Variants in NOTUM observed in about 807,000 individuals in gnomAD.
NOTUM encodes palmitoleoyl-protein carboxylesterase NOTUM.
A neutral mutation model predicts 65.5 loss-of-function variants in NOTUM; 36 were observed. That is an observed-to-expected ratio of 0.55 (90% CI 0.42 to 0.73). The LOEUF (loss-of-function observed/expected upper bound fraction) is 0.73, where lower values mean the gene tolerates loss of function less well. Ranked by LOEUF, NOTUM falls within the 30% of genes least tolerant of loss-of-function variation. The probability of loss-of-function intolerance (pLI) is 0.00; values close to 1 mark genes in which losing one functional copy is unlikely to be tolerated. For synonymous variants in NOTUM, 356 were observed against 297.9 expected (o/e 1.20, Z -2.01); for missense variants, 659 against 694.2 (o/e 0.95, Z 0.57).
chr17:81,960,181 CCGCCG>C lies in NOTUM; in HGVS notation c.323+401_323+405del, dbSNP rs1014346089. Among the ~76,000 whole-genome samples, 1 of 152,176 alleles carries C rather than the reference CCGCCG, an allele frequency of 6.6e-6. No individual in the cohort carries two copies. The highest frequency in any genetic ancestry group is 1.5e-5 in the Non-Finnish European group (1 of 68,018). ...CGGCCTGTTGAGCGCGTGGGCGGCC[CCGCCG>C]CTCCCCGACCCCCGACCTCACGTCT... is the stretch of plus-strand genomic sequence containing the variant. On this transcript the variant is annotated intron_variant, in intron 1 of 10. Coordinates refer to ENST00000409678, the MANE Select transcript of NOTUM (RefSeq NM_178493.6). This position sits in a 1 kb window ranked among gnomAD's most constrained non-coding sequence, Gnocchi z 6.4.
chr17:81,960,740 G>A lies in NOTUM; in HGVS notation c.170C>T (p.Thr57Met), dbSNP rs764669509. 5.6e-6 allele frequency: 9 copies of A among 1,598,428 alleles called. No individual in the cohort carries two copies. The East Asian group carries it at 9.0e-5, about 16-fold the overall frequency. Reference sequence around the variant, plus strand: ...GCTGTCCATGTTACCCTCCACGGCCGTGAAGTCCAGCGGGAAGCTCTCCAC... The same window carrying A: ...GCTGTCCATGTTACCCTCCACGGCCATGAAGTCCAGCGGGAAGCTCTCCAC... ...QPVESFPLDF[T>M]AVEGNMDSFM... The change falls in exon 1 of 11, where the codon ACG becomes ATG. Residue 57 changes from threonine to methionine, a missense_variant. Physicochemically the swap from Thr to Met is moderately conservative, Grantham distance 81 (BLOSUM62 -1). Coordinates refer to ENST00000409678, the MANE Select transcript of NOTUM (RefSeq NM_178493.6). This position sits in a 1 kb window ranked among gnomAD's most constrained non-coding sequence, Gnocchi z 6.4.
intron 2 of NOTUM, 24 bp downstream of exon 2, chr17:81,959,616 C>T (rs1222797175): frequency 3.2e-6 from 5 of 1,545,248 alleles, no homozygotes; most frequent in Non-Finnish European, 4.4e-6. Flanking sequence ...CCCCGGCCTC[C>T]CCCCGCCTCA....
chr17:81,958,151 G>A (rs534661744), intron 5 of NOTUM, among the ~76,000 whole-genome samples, 184 bp downstream of exon 5: 53 of 152,312 alleles, frequency 3.5e-4, no homozygotes, highest in African/African-American at 1.2e-3. Context: ...GGCAGTGGGA[G>A]CATGGGGCAG....
In NOTUM at chr17:81,959,530, G is replaced by T; in HGVS notation, c.413C>A (p.Ser138Tyr). Residue 138 changes from serine to tyrosine, a missense_variant, in exon 3 of 11, where the codon TCC becomes TAC. Transcript: ENST00000409678. ...GAGGCGCCGCATGGTGTCGTATCTG[G>T]AGTCGCAGTTCTCGCGGTTGAAGCA... ...WYCFNRENCD[S>Y]RYDTMRRLMS... 6.5e-7 allele frequency: 1 copy of T among 1,549,254 alleles called. No individual in the cohort carries two copies. Among genetic ancestry groups the T allele is most frequent in the Non-Finnish European group, 8.7e-7 (1 of 1,146,602 alleles).
chr17:81,956,578 G>A lies in NOTUM; in HGVS notation c.988+72C>T, dbSNP rs1002796110. ...CCCAGCCCAGAAGACTGGAGTCCACGCTGGATTTTCAGAAGCAAGGAAGTG... is the reference window on the plus strand; with the variant it reads ...CCCAGCCCAGAAGACTGGAGTCCACACTGGATTTTCAGAAGCAAGGAAGTG... On this transcript the variant is annotated intron_variant, in intron 8 of 10. Transcript: ENST00000409678. 21 of 1,070,214 alleles carry A rather than the reference G, an allele frequency of 2.0e-5. No homozygotes were observed. In the East Asian group the frequency reaches 3.0e-4, roughly 15 times the overall value. The allele number at this position is 1,070,214 out of a possible 1,614,324, so 66.3% of individuals were successfully genotyped here.
chr17:81,959,372 T>A, intron 3 of NOTUM, 99 bp downstream of exon 3: 1 of 925,348 alleles, frequency 1.1e-6, no homozygotes, highest in Non-Finnish European at 1.6e-6. Flanking sequence ...AGGCTGGGCA[T>A]GATGTGCGGG....
rs1475078293 is a variant in NOTUM, at chr17:81,953,190, C to CTGA, written c.1261_1262insTCA (p.Asp420_Ser421insIle). 1.2e-6 allele frequency: 2 copies of CTGA among 1,612,972 alleles called. No individual in the cohort carries two copies. Among genetic ancestry groups the CTGA allele is most frequent in the African/African-American group, 2.7e-5 (2 of 74,904 alleles). ...GAGGGGGGTCTTGCTGGCCTTGTGG[C>CTGA]TGTCATGGAGGCTCCTGTCCCAGCA... On this transcript the variant is annotated inframe_insertion, in exon 11 of 11. Coordinates refer to ENST00000409678, the MANE Select transcript of NOTUM (RefSeq NM_178493.6).
At chr17:81,955,289 C>T (rs1482229912) in intron 9 of NOTUM, 108 bp downstream of exon 9, 1 of 1,051,994 alleles carries the variant, frequency 9.5e-7, no homozygotes, top group African/African-American at 1.6e-5. Flanking sequence ...CCTACAAGAC[C>T]TCTATTTTTT....
intron 4 of NOTUM, 92 bp downstream of exon 4, chr17:81,958,843 A>T: frequency 1.0e-6 from 1 of 958,084 alleles, no homozygotes; most frequent in South Asian, 1.4e-5. Flanking sequence ...CCCAGGAAAG[A>T]CCATTTCAGA....
Position 81,960,918 on chromosome 17 carries a change from C to T in NOTUM, c.-9G>A. ...CGCACCCCTCGGCCCATGGCCGCGT[C>T]CACCTGCGGGGAGCGGGCGGCCTTG... On this transcript the variant is annotated 5_prime_UTR_variant, in exon 1 of 11. Transcript: ENST00000409678. The surrounding 1 kb of genome is among the most constrained non-coding windows in gnomAD (Gnocchi z 6.4). The T allele has an allele frequency of 3.2e-6, 4 of 1,231,528 alleles. No individual in the cohort carries two copies. The highest frequency in any genetic ancestry group is 3.1e-4 in the Middle Eastern group (1 of 3,184). The allele number at this position is 1,231,528 out of a possible 1,614,324, so 76.3% of individuals were successfully genotyped here. A position where few individuals can be genotyped will look rare whatever the true frequency, so the allele number is the denominator to read the frequency against.
At position 81,957,829 on chromosome 17, in the gene NOTUM, C is replaced by T. The variant is rs1289621519; in HGVS notation, c.672G>A (p.Lys224=). Residue 224 remains lysine (K), a synonymous_variant, in exon 6 of 11, where the codon AAG becomes AAA. Transcript: ENST00000409678. Reference sequence around the variant, plus strand: ...ACCTGCTCCCGGCCAGCAGCAGCACCTTGGCCCCGCTCAGCCCTCTGCCCA... The same window carrying T: ...ACCTGCTCCCGGCCAGCAGCAGCACTTTGGCCCCGCTCAGCCCTCTGCCCA... ...ELLGRGLSGA[K]VLLLAGSSAG... is the part of the protein sequence containing the mutation. 2 of 1,607,694 alleles carry T rather than the reference C, an allele frequency of 1.2e-6. No homozygotes were observed. Among genetic ancestry groups the T allele is most frequent in the South Asian group, 1.1e-5 (1 of 89,836 alleles).
Position 81,956,727 on chromosome 17 carries a change from T to C in NOTUM, c.911A>G (p.Glu304Gly). 6.2e-7 allele frequency: 1 copy of C among 1,612,840 alleles called. No homozygotes were observed. The highest frequency in any genetic ancestry group is 1.1e-5 in the South Asian group (1 of 91,076). The change falls in exon 8 of 11, where the codon GAG becomes GGG. Residue 304 changes from glutamate (E) to glycine (G), a missense_variant. Transcript: ENST00000409678. ...CTCCTGGAACTGGCGTCGGCAGCGC[T>C]CCGGGACCACCCCGTTCCAGTACCT... is the stretch of plus-strand genomic sequence containing the variant. ...GIRYWNGVVPERCRRQFQEGE... is the reference protein window; with the variant it reads ...GIRYWNGVVPGRCRRQFQEGE...
chr17:81,957,523 G>A (rs1879567), intron 6 of NOTUM, among the ~76,000 whole-genome samples: 2 of 152,024 alleles, frequency 1.3e-5, no homozygotes, highest in Admixed American at 1.3e-4. Flanking sequence ...CAACGACTTA[G>A]GTCCCTGCAG....
At chr17:81,959,910 C>G (rs959253378) in intron 1 of NOTUM, 3 of 190,768 alleles carry the variant, frequency 1.6e-5, no homozygotes, top group African/African-American at 7.1e-5. Context: ...GGGCTGTGGT[C>G]CGTGGAAAAT....
chr17:81,952,911 C>CA lies in NOTUM; in HGVS notation c.*49dup, dbSNP rs1352361405. 3 of 1,516,796 alleles carry CA rather than the reference C, an allele frequency of 2.0e-6. No homozygotes were observed. Among genetic ancestry groups the CA allele is most frequent in the South Asian group, 2.3e-5 (2 of 87,196 alleles). 94.0% of individuals were successfully genotyped at this position (1,516,796 alleles called of 1,614,324 possible). A position where few individuals can be genotyped will look rare whatever the true frequency, so the allele number is the denominator to read the frequency against. On this transcript the variant is annotated 3_prime_UTR_variant, in exon 11 of 11. Transcript: ENST00000409678. ...GGTGGGGGGTGAGGTGGCACTGGGGCAGCGGGTGTCTGGGCCCCTCAGTGC... is the reference window on the plus strand; with the variant it reads ...GGTGGGGGGTGAGGTGGCACTGGGGCAAGCGGGTGTCTGGGCCCCTCAGTGC...
At chr17:81,954,220 T>C (rs2041410695) in intron 10 of NOTUM, 36 bp downstream of exon 10, 3 of 1,520,894 alleles carry the variant, frequency 2.0e-6, no homozygotes, top group East Asian at 4.5e-5. Flanking sequence ...GAAGTTGATG[T>C]CATGGACGCA....
Position 81,960,595 on chromosome 17 carries a change from G to A in NOTUM, c.315C>T (p.Ser105=), listed in dbSNP as rs1284823584. The change falls in exon 1 of 11, where the codon AGC becomes AGT. Residue 105 remains serine (S), a synonymous_variant. Coordinates refer to ENST00000409678, the MANE Select transcript of NOTUM (RefSeq NM_178493.6). The surrounding 1 kb of genome is among the most constrained non-coding windows in gnomAD (Gnocchi z 6.4). ...LNTSVTCNDG[S]PAGYYLKESR... ...CAGGGCGCGGGCCTTACCCGGCGGG[G>A]CTGCCGTCGTTGCAGGTCACCGAGG... The A allele has an allele frequency of 6.6e-7, 1 of 1,505,116 alleles. No homozygotes were observed. Among genetic ancestry groups the A allele is most frequent in the Non-Finnish European group, 9.0e-7 (1 of 1,115,188 alleles). 93.2% of individuals were successfully genotyped at this position (1,505,116 alleles called of 1,614,324 possible). A position where few individuals can be genotyped will look rare whatever the true frequency, so the allele number is the denominator to read the frequency against.
At chr17:81,955,917 G>A (rs2041429788) in intron 8 of NOTUM, among the ~76,000 whole-genome samples, 1 of 125,694 alleles carries the variant, frequency 8.0e-6, no homozygotes, top group African/African-American at 3.1e-5. Context: ...GGTCCCCGCT[G>A]CTGCCCCCGA....
intron 3 of NOTUM, 139 bp downstream of exon 3, chr17:81,959,332 C>T: frequency 3.0e-6 from 2 of 663,910 alleles, no homozygotes; most frequent in Non-Finnish European, 5.1e-6. Flanking sequence ...GAGTGAAGGG[C>T]GCCCCTTGCT....
Sources: allele counts gnomAD v4.1 joint callset (sites outside exome capture counted in the v4.1 genomes callset), GRCh38; gene constraint gnomAD v4.1.1; non-coding constraint Gnocchi (gnomAD v3.1); transcripts MANE v1.5; gene names NCBI Gene and HGNC (gene_info 2026-07-23, HGNC 2026-07-21).